Variants in CCDC148 observed in about 807,000 individuals in gnomAD.
CCDC148 encodes coiled-coil domain containing 148.
Under a neutral mutation model 85.7 loss-of-function variants are expected in CCDC148, and 89 were observed. That is an observed-to-expected ratio of 1.04 (90% CI 0.87 to 1.24). The LOEUF (loss-of-function observed/expected upper bound fraction) is 1.24, where lower values mean the gene tolerates loss of function less well. CCDC148 is among the 50% of genes most tolerant of loss of function. CCDC148 has a pLI of 0.00. For synonymous variants in CCDC148, 230 were observed against 213.9 expected, an observed-to-expected ratio of 1.08 and a Z score of -0.66; for missense variants, 692 against 671.7, an observed-to-expected ratio of 1.03 and a Z score of -0.33.
chr2:158,174,566 T>C (rs560957694), intron 13 of CCDC148, among the ~76,000 whole-genome samples: 2 of 151,630 alleles, frequency 1.3e-5, no homozygotes, highest in African/African-American at 4.8e-5. Context: ...CCTTAGGCAA[T>C]TTTGTTGTGT....
chr2:158,362,669 G>A (rs913854574), intron 1 of CCDC148, among the ~76,000 whole-genome samples: 1 of 152,196 alleles, frequency 6.6e-6, no homozygotes, highest in Non-Finnish European at 1.5e-5. Flanking sequence ...AGCTAAAGCA[G>A]TGTGTAGAGG....
At chr2:158,383,435 G>T (rs1684960556) in intron 1 of CCDC148, among the ~76,000 whole-genome samples, 1 of 152,102 alleles carries the variant, frequency 6.6e-6, no homozygotes, top group African/African-American at 2.4e-5. Flanking sequence ...GTATATATGT[G>T]TGTAGATGTA....
At chr2:158,185,933 G>A (rs1217360044) in intron 11 of CCDC148, among the ~76,000 whole-genome samples, 2 of 152,026 alleles carry the variant, frequency 1.3e-5, no homozygotes, top group African/African-American at 4.8e-5. Flanking sequence ...TAATGTTAGT[G>A]ATAAAATACT....
chr2:158,177,674 T>A (rs1034466668), intron 12 of CCDC148, among the ~76,000 whole-genome samples: 1 of 152,168 alleles, frequency 6.6e-6, no homozygotes, highest in Admixed American at 6.5e-5. Context: ...AACTAAAATT[T>A]TGTAGGATCC....
At chr2:158,194,995 C>T (rs1197366400) in intron 11 of CCDC148, among the ~76,000 whole-genome samples, 1 of 151,816 alleles carries the variant, frequency 6.6e-6, no homozygotes, top group Non-Finnish European at 1.5e-5. Context: ...TCTGCATGTG[C>T]TACAGTCTCT....
At chr2:158,403,906 G>A (rs1685892692) in intron 1 of CCDC148, among the ~76,000 whole-genome samples, 1 of 152,040 alleles carries the variant, frequency 6.6e-6, no homozygotes, top group South Asian at 2.1e-4. Flanking sequence ...AAACAGCAAA[G>A]GCACAAACAG....
intron 2 of CCDC148, among the ~76,000 whole-genome samples, chr2:158,351,271 C>G (rs12621868): frequency 1.3e-5 from 2 of 152,168 alleles, no homozygotes; most frequent in East Asian, 3.9e-4. Context: ...TCTACAGCTC[C>G]CAGCGTGAGT....
intron 1 of CCDC148, among the ~76,000 whole-genome samples, chr2:158,379,672 T>G (rs1389242715): frequency 6.6e-6 from 1 of 152,110 alleles, no homozygotes; most frequent in Non-Finnish European, 1.5e-5. Context: ...TAAGCAGCCA[T>G]CAACATTGAG....
intron 1 of CCDC148, among the ~76,000 whole-genome samples, chr2:158,436,045 A>G (rs936531031): frequency 3.9e-5 from 6 of 152,206 alleles, no homozygotes; most frequent in African/African-American, 1.4e-4. Context: ...TTAACACCCC[A>G]CTGTCAACAT....
chr2:158,396,313 GTAGC>G (rs887235752), intron 1 of CCDC148, among the ~76,000 whole-genome samples: 7 of 152,078 alleles, frequency 4.6e-5, no homozygotes, highest in African/African-American at 1.7e-4. Flanking sequence ...GGATTTAGTA[GTAGC>G]TGTCATTTTT....
At chr2:158,342,026 C>CTTTTTTTTTTTTTTTTTTTT (rs1159799812) in intron 3 of CCDC148, among the ~76,000 whole-genome samples, 1 of 62,658 alleles carries the variant, frequency 1.6e-5, no homozygotes, top group Non-Finnish European at 2.7e-5. Flanking sequence ...ATTTTCTTTT[C>CTTTTTTTTTTTTTTTTTTTT]TTTTTTTTTT....
At position 158,172,255 on chromosome 2, in the gene CCDC148, A is replaced by C. The variant is rs563043401; in HGVS notation, c.1634T>G (p.Ile545Ser). 6.3e-7 allele frequency: 1 copy of C among 1,595,180 alleles called. No individual in the cohort carries two copies. The highest frequency in any genetic ancestry group is 1.8e-5 in the Admixed American group (1 of 56,570). Reference protein sequence around the residue: ...TLNTYNEQQIISDPRLRFELA... With the variant: ...TLNTYNEQQISSDPRLRFELA... ...CTCGAAGCGAAGTCTAGGGTCAGAA[A>C]TTATCTGTAGAAATAAAAATACAAT... Residue 545 changes from isoleucine (I) to serine (S), a missense_variant, in exon 14 of 14, where the codon ATT becomes AGT. Physicochemically the swap from Ile to Ser is moderately radical, Grantham distance 142 (BLOSUM62 -2). Transcript: ENST00000283233.
chr2:158,374,942 T>C (rs548870590), intron 1 of CCDC148, among the ~76,000 whole-genome samples: 5 of 152,050 alleles, frequency 3.3e-5, no homozygotes, highest in Non-Finnish European at 7.4e-5. Flanking sequence ...ACAAGGTAAA[T>C]TCTAAATAAA....
At chr2:158,197,536 A>C (rs1685738170) in intron 11 of CCDC148, among the ~76,000 whole-genome samples, 1 of 152,208 alleles carries the variant, frequency 6.6e-6, no homozygotes. Context: ...TACCAAATCT[A>C]ACCAAAGAAA....
At chr2:158,361,208 C>T (rs1449906063) in intron 1 of CCDC148, among the ~76,000 whole-genome samples, 1 of 151,584 alleles carries the variant, frequency 6.6e-6, no homozygotes, top group African/African-American at 2.4e-5. Flanking sequence ...ATAGGTATAC[C>T]TGAAAGTGAC....
intron 9 of CCDC148, among the ~76,000 whole-genome samples, chr2:158,256,342 T>C (rs989629711): frequency 6.6e-6 from 1 of 151,726 alleles, no homozygotes; most frequent in Non-Finnish European, 1.5e-5. Context: ...AGGTTACCCC[T>C]ATAGTTCATT....
intron 9 of CCDC148, among the ~76,000 whole-genome samples, chr2:158,285,203 G>C (rs531738922): frequency 6.6e-6 from 1 of 150,984 alleles, no homozygotes; most frequent in Non-Finnish European, 1.5e-5. Context: ...CAGGAGAATC[G>C]CTTGAACCTC....
chr2:158,204,900 A>C (rs888772974), intron 11 of CCDC148, among the ~76,000 whole-genome samples: 12 of 152,210 alleles, frequency 7.9e-5, no homozygotes, highest in Admixed American at 2.6e-4. Context: ...ATCCATCTGA[A>C]GACCCAGTGG....
intron 1 of CCDC148, among the ~76,000 whole-genome samples, chr2:158,451,056 G>T (rs1318010640): frequency 6.6e-6 from 1 of 151,752 alleles, no homozygotes; most frequent in Non-Finnish European, 1.5e-5. Context: ...CTGATTTCTT[G>T]TTCTGCCATC....
Sources: gnomAD v4.1 joint callset for allele counts (sites outside exome capture counted in the v4.1 genomes callset) on GRCh38, gnomAD v4.1.1 for gene constraint, MANE v1.5 for transcripts, NCBI Gene and HGNC (gene_info 2026-07-23, HGNC 2026-07-21) for gene names.